HMG20A: variants seen among roughly 807,000 people sequenced by gnomAD.
HMG20A encodes the protein high mobility group protein 20A.
Under a neutral mutation model 43.9 loss-of-function variants are expected in HMG20A, and 17 were observed. The observed-to-expected ratio is 0.39, with a 90% CI of 0.27 to 0.58. The LOEUF (loss-of-function observed/expected upper bound fraction) is 0.58, where lower values mean the gene tolerates loss of function less well. Among genes scored for constraint, HMG20A ranks in the 20% least tolerant of loss-of-function variants. The probability of loss-of-function intolerance (pLI) is 0.59; values close to 1 mark genes in which losing one functional copy is unlikely to be tolerated. For missense variants in HMG20A, 341 were observed against 438.2 expected (o/e 0.78, Z 1.98); for synonymous variants, 132 against 147.5 (o/e 0.89, Z 0.76).
At chr15:77,438,984 G>A (rs1018070895) in intron 1 of HMG20A, among the ~76,000 whole-genome samples, 1 of 151,882 alleles carries the variant, frequency 6.6e-6, no homozygotes, top group African/African-American at 2.4e-5. Context: ...TAGTAGAGAC[G>A]GGGTATCACC....
chr15:77,505,200 C>T, the HMG20A span, among the ~76,000 whole-genome samples: 1 of 152,240 alleles, frequency 6.6e-6, no homozygotes, highest in Non-Finnish European at 1.5e-5. Flanking sequence ...GATGGCTGCA[C>T]GTCCTGGCCA....
At chr15:77,468,759 T>C (rs527273253) in intron 4 of HMG20A, among the ~76,000 whole-genome samples, 1 of 152,286 alleles carries the variant, frequency 6.6e-6, no homozygotes, top group Non-Finnish European at 1.5e-5. Flanking sequence ...ATAACCATAG[T>C]GTAGTCATCA....
the HMG20A span, among the ~76,000 whole-genome samples, chr15:77,505,449 C>T: frequency 6.7e-6 from 1 of 150,144 alleles, no homozygotes; most frequent in Admixed American, 6.6e-5. Context: ...CGTGTAGGGA[C>T]AGCATGCTGA....
the HMG20A span, among the ~76,000 whole-genome samples, chr15:77,497,366 CT>C: frequency 7.9e-5 from 12 of 152,352 alleles, no homozygotes; most frequent in African/African-American, 2.4e-4. Context: ...AGGAGGCCTC[CT>C]GCTGATTAGC....
chr15:77,511,715 C>T, the HMG20A span, among the ~76,000 whole-genome samples: 2 of 152,090 alleles, frequency 1.3e-5, no homozygotes, highest in South Asian at 2.1e-4. Flanking sequence ...AATGAGATGC[C>T]GCCTCACACC....
chr15:77,463,223 G>A (rs1017817268), intron 2 of HMG20A, among the ~76,000 whole-genome samples: 31 of 152,086 alleles, frequency 2.0e-4, no homozygotes, highest in African/African-American at 7.5e-4. Flanking sequence ...TGTTTACCTT[G>A]ATGAATACGT....
At chr15:77,465,260 CAAAAAAA>C (rs71145837) in intron 3 of HMG20A, among the ~76,000 whole-genome samples, 28 of 59,212 alleles carry the variant, frequency 4.7e-4, no homozygotes, top group East Asian at 3.4e-3. Flanking sequence ...GACTTCGTCT[CAAAAAAA>C]AAAAAAAAAA....
chr15:77,486,024 T>C (rs996269016), downstream of HMG20A, among the ~76,000 whole-genome samples: 3 of 152,280 alleles, frequency 2.0e-5, no homozygotes, highest in Non-Finnish European at 2.9e-5. Flanking sequence ...CTGTTATGCT[T>C]TTAAAACAGT....
intron 1 of HMG20A, among the ~76,000 whole-genome samples, chr15:77,457,061 G>A (rs1047394487): frequency 1.3e-5 from 2 of 152,194 alleles, no homozygotes; most frequent in Non-Finnish European, 2.9e-5. Flanking sequence ...TATTTGTACA[G>A]AGATGTGTTT....
chr15:77,429,712 C>A (rs189567744), intron 1 of HMG20A, among the ~76,000 whole-genome samples: 1 of 152,152 alleles, frequency 6.6e-6, no homozygotes, highest in Non-Finnish European at 1.5e-5. Flanking sequence ...AAATATTCAA[C>A]AATATAATAA....
chr15:77,451,280 G>A (rs2142312516), intron 1 of HMG20A, among the ~76,000 whole-genome samples: 1 of 152,282 alleles, frequency 6.6e-6, no homozygotes, highest in Middle Eastern at 3.4e-3. Context: ...TAAATATTAA[G>A]GTAAGAAGTG....
Position 77,483,108 on chromosome 15 carries a change from GCCATCACC to G in HMG20A, c.*149_*156del, listed in dbSNP as rs1276970916. The G allele has an allele frequency of 6.6e-6, 1 of 152,060 alleles. No homozygotes were observed. Among genetic ancestry groups the G allele is most frequent in the Admixed American group, 6.6e-5 (1 of 15,258 alleles). 9.4% of individuals were successfully genotyped at this position (152,060 alleles called of 1,614,324 possible). ...TGAAAGAATTATCAGTGAGTGAAAG[GCCATCACC>G]CCAGGAAGCCAAATGAGGGAGCAGC... On this transcript the variant is annotated 3_prime_UTR_variant, in exon 10 of 10. Transcript: ENST00000336216.
At chr15:77,424,629 C>T (rs1330929444) in intron 1 of HMG20A, among the ~76,000 whole-genome samples, 1 of 152,150 alleles carries the variant, frequency 6.6e-6, no homozygotes, top group Non-Finnish European at 1.5e-5. Flanking sequence ...TTACATTTTC[C>T]CCACAGTATG....
At chr15:77,477,341 G>T (rs1412796363) in intron 6 of HMG20A, among the ~76,000 whole-genome samples, 1 of 152,186 alleles carries the variant, frequency 6.6e-6, no homozygotes, top group Non-Finnish European at 1.5e-5. Context: ...CACAGTAGTT[G>T]TATACCTGAG....
At chr15:77,508,698 T>C in the HMG20A span, among the ~76,000 whole-genome samples, 1 of 152,254 alleles carries the variant, frequency 6.6e-6, no homozygotes, top group Non-Finnish European at 1.5e-5. Context: ...GCCACGTATA[T>C]GCTTTGGCAC....
At chr15:77,519,308 C>T in the HMG20A span, among the ~76,000 whole-genome samples, 2 of 152,234 alleles carry the variant, frequency 1.3e-5, no homozygotes, top group Non-Finnish European at 2.9e-5. Flanking sequence ...GAAGAAAGTC[C>T]TGGAGCTCCA....
chr15:77,466,285 G>A (rs2072755853), intron 3 of HMG20A, among the ~76,000 whole-genome samples: 1 of 152,146 alleles, frequency 6.6e-6, no homozygotes, highest in Admixed American at 6.5e-5. Context: ...GAAGACTAAG[G>A]CAGGAGAATC....
intron 1 of HMG20A, among the ~76,000 whole-genome samples, chr15:77,448,912 A>G (rs1472526007): frequency 2.0e-5 from 3 of 152,064 alleles, no homozygotes; most frequent in Non-Finnish European, 4.4e-5. Context: ...TTAGCTGGAC[A>G]TGGTGGCAGG....
intron 6 of HMG20A, among the ~76,000 whole-genome samples, chr15:77,474,104 G>T (rs1257749804): frequency 6.6e-6 from 1 of 152,168 alleles, no homozygotes; most frequent in East Asian, 1.9e-4. Flanking sequence ...CAGAAAAATA[G>T]CACTATGGGT....
Sources: allele counts gnomAD v4.1 joint callset (sites outside exome capture counted in the v4.1 genomes callset), GRCh38; gene constraint gnomAD v4.1.1; transcripts MANE v1.5; gene names NCBI Gene and HGNC (gene_info 2026-07-23, HGNC 2026-07-21).